The following NSMCE2 variants were observed in gnomAD, a reference collection of about 807,000 sequenced individuals.
The protein encoded by NSMCE2 is E3 SUMO-protein ligase NSE2.
Under a neutral mutation model 23.8 loss-of-function variants are expected in NSMCE2, and 24 were observed. The ratio of observed to expected loss-of-function variants is 1.01; its 90% CI spans 0.73 to 1.42. The LOEUF (loss-of-function observed/expected upper bound fraction) is 1.42. Among genes scored for constraint, NSMCE2 ranks in the 40% most tolerant of loss-of-function variants. The probability of loss-of-function intolerance (pLI) is 0.00; values close to 1 mark genes in which losing one functional copy is unlikely to be tolerated. For missense variants in NSMCE2, 284 were observed against 296.5 expected (o/e 0.96, Z 0.31); for synonymous variants, 92 against 94.1 (o/e 0.98, Z 0.13).
intron 3 of NSMCE2, among the ~76,000 whole-genome samples, chr8:125,132,196 C>G (rs1016241415): frequency 6.6e-6 from 1 of 151,274 alleles, no homozygotes; most frequent in Non-Finnish European, 1.5e-5. Flanking sequence ...CTCCTGGGCT[C>G]AAGCCATTCT....
At chr8:125,349,579 T>C (rs9886469) in intron 5 of NSMCE2, among the ~76,000 whole-genome samples, 66,001 of 130,028 alleles carry the variant, frequency 0.51, 16,741 homozygotes, top group Admixed American at 0.57. Flanking sequence ...TGAGAGCTTG[T>C]ATTTAAAAAA....
chr8:125,223,461 C>T (rs148814239), intron 5 of NSMCE2, among the ~76,000 whole-genome samples: 7 of 152,190 alleles, frequency 4.6e-5, no homozygotes, highest in African/African-American at 1.4e-4. Context: ...GCAGAAATCT[C>T]TTTGACATAC....
At chr8:125,285,809 T>TTA (rs1827870978) in intron 5 of NSMCE2, among the ~76,000 whole-genome samples, 1 of 151,404 alleles carries the variant, frequency 6.6e-6, no homozygotes, top group Non-Finnish European at 1.5e-5. Flanking sequence ...TATTTAATCG[T>TTA]TACAGCATTC....
intron 5 of NSMCE2, among the ~76,000 whole-genome samples, chr8:125,247,270 C>A (rs995184693): frequency 6.6e-6 from 1 of 151,886 alleles, no homozygotes; most frequent in African/African-American, 2.4e-5. Context: ...GAGGTCAAGG[C>A]TGCAGTGAGC....
intron 5 of NSMCE2, among the ~76,000 whole-genome samples, chr8:125,326,817 G>A (rs780991659): frequency 5.9e-5 from 9 of 151,540 alleles, no homozygotes; most frequent in South Asian, 2.1e-4. Flanking sequence ...TTAGCCGGTC[G>A]TGGTGGCGGG....
At chr8:125,096,126 G>A (rs1817918184) in intron 1 of NSMCE2, among the ~76,000 whole-genome samples, 1 of 152,148 alleles carries the variant, frequency 6.6e-6, no homozygotes, top group African/African-American at 2.4e-5. Context: ...TCAGCATATA[G>A]CTTTACTAAG....
At chr8:125,150,388 CT>C (rs1205918866) in intron 3 of NSMCE2, among the ~76,000 whole-genome samples, 1 of 127,522 alleles carries the variant, frequency 7.8e-6, no homozygotes, top group Non-Finnish European at 1.7e-5. Flanking sequence ...TATCTGATAT[CT>C]TTGGTTTTCT....
intron 3 of NSMCE2, among the ~76,000 whole-genome samples, chr8:125,142,433 G>A (rs1406844151): frequency 1.3e-5 from 2 of 152,118 alleles, no homozygotes; most frequent in Non-Finnish European, 2.9e-5. Flanking sequence ...ACGATGATGA[G>A]GGAATTGTGT....
chr8:125,357,363 T>G, intron 6 of NSMCE2, 44 bp downstream of exon 6: 1 of 1,272,156 alleles, frequency 7.9e-7, no homozygotes, highest in South Asian at 1.2e-5. Flanking sequence ...ACGATTCACT[T>G]CACAGAGGCA....
At chr8:125,115,144 A>T (rs1818939273) in intron 3 of NSMCE2, among the ~76,000 whole-genome samples, 1 of 152,150 alleles carries the variant, frequency 6.6e-6, no homozygotes, top group South Asian at 2.1e-4. Context: ...CAGTCAACCA[A>T]GTAACTAAGA....
intron 3 of NSMCE2, among the ~76,000 whole-genome samples, chr8:125,108,560 T>A (rs1188048344): frequency 6.6e-6 from 1 of 152,252 alleles, no homozygotes; most frequent in Non-Finnish European, 1.5e-5. Flanking sequence ...TTAAAATGCC[T>A]GCTTCATAAG....
chr8:125,245,400 A>G lies in NSMCE2; in HGVS notation c.418+63144A>G, dbSNP rs116336363. On this transcript the variant is annotated intron_variant, in intron 5 of 7. Coordinates refer to ENST00000287437, the MANE Select transcript of NSMCE2 (RefSeq NM_173685.4). ...ACTGAAATAATAATTTGAAATTTAAAAAAGAAACTTATCTATAACACAAGT... is the reference window on the plus strand; with the variant it reads ...ACTGAAATAATAATTTGAAATTTAAGAAAGAAACTTATCTATAACACAAGT... 3.7e-3 allele frequency among the ~76,000 whole-genome samples: 561 copies of G among 152,334 alleles called. 2 individuals are homozygous for G. Among genetic ancestry groups the G allele is most frequent in the African/African-American group, 0.013 (526 of 41,570 alleles).
intron 5 of NSMCE2, among the ~76,000 whole-genome samples, chr8:125,303,012 CG>C (rs931465791): frequency 6.6e-6 from 1 of 152,138 alleles, no homozygotes; most frequent in Non-Finnish European, 1.5e-5. Context: ...CCACACTCCC[CG>C]CATCTTCTGT....
chr8:125,359,887 T>C (rs1813453111), intron 7 of NSMCE2, among the ~76,000 whole-genome samples: 1 of 152,146 alleles, frequency 6.6e-6, no homozygotes, highest in Non-Finnish European at 1.5e-5. Context: ...TGAGCCAACC[T>C]GGAGTTTAGG....
chr8:125,341,576 A>G (rs896181552), intron 5 of NSMCE2, among the ~76,000 whole-genome samples: 3 of 151,600 alleles, frequency 2.0e-5, no homozygotes, highest in African/African-American at 7.3e-5. Flanking sequence ...TTCATCTGTT[A>G]GTTTTTTTTT....
chr8:125,240,169 A>T lies in NSMCE2; in HGVS notation c.418+57913A>T, dbSNP rs1825714090. Among the ~76,000 whole-genome samples the T allele has an allele frequency of 3.4e-5, 5 of 148,274 alleles. No homozygotes were observed. In the South Asian group the frequency reaches 1.1e-3, roughly 31 times the overall value. On this transcript the variant is annotated intron_variant, in intron 5 of 7. Transcript: ENST00000287437. Reference sequence around the variant, plus strand: ...GAGACGGAGTCTTGCTCTGTCTCCCAGGCTGGAGTGCAGTGGCAGATCTTG... The same window carrying T: ...GAGACGGAGTCTTGCTCTGTCTCCCTGGCTGGAGTGCAGTGGCAGATCTTG...
intron 5 of NSMCE2, among the ~76,000 whole-genome samples, chr8:125,299,305 C>T (rs553835508): frequency 2.6e-5 from 4 of 152,254 alleles, no homozygotes; most frequent in African/African-American, 4.8e-5. Context: ...GCACTCTATT[C>T]GTTTCTTTTC....
chr8:125,298,697 G>GTTTTTTTTTT (rs56972472), intron 5 of NSMCE2, among the ~76,000 whole-genome samples: 1 of 68,384 alleles, frequency 1.5e-5, no homozygotes. Context: ...GTTTTTTTTT[G>GTTTTTTTTTT]TTTTTTTTTT....
In NSMCE2 at chr8:125,359,846, G is replaced by A. The variant is rs901037717; in HGVS notation, c.626+2028G>A. Reference sequence around the variant, plus strand: ...TTTTCCACCATTGCTCTATAGGCATGGGAGACGAGGACAGTTTTAAAGGAG... The same window carrying A: ...TTTTCCACCATTGCTCTATAGGCATAGGAGACGAGGACAGTTTTAAAGGAG... On this transcript the variant is annotated intron_variant, in intron 7 of 7. Coordinates refer to ENST00000287437, the MANE Select transcript of NSMCE2 (RefSeq NM_173685.4). Among the ~76,000 whole-genome samples the A allele has an allele frequency of 3.3e-5, 5 of 152,138 alleles. No homozygotes were observed. In the South Asian group the frequency reaches 1.0e-3, roughly 32 times the overall value.
Sources: gnomAD v4.1 joint callset for allele counts (sites outside exome capture counted in the v4.1 genomes callset) on GRCh38, gnomAD v4.1.1 for gene constraint, MANE v1.5 for transcripts, NCBI Gene and HGNC (gene_info 2026-07-23, HGNC 2026-07-21) for gene names.